Variants in DSTN observed in about 807,000 individuals in gnomAD.
The protein encoded by DSTN is destrin.
Under a neutral mutation model 16.8 loss-of-function variants are expected in DSTN, and 10 were observed. The ratio of observed to expected loss-of-function variants is 0.60; its 90% CI spans 0.37 to 1.01. The LOEUF (loss-of-function observed/expected upper bound fraction) is 1.01, where lower values mean the gene tolerates loss of function less well. Among genes scored for constraint, DSTN ranks in the 50% least tolerant of loss-of-function variants. The pLI, the probability that DSTN is intolerant of heterozygous loss-of-function variation, is 0.01. For synonymous variants in DSTN, 57 were observed against 58.9 expected (o/e 0.97, Z 0.14); for missense variants, 141 against 196.7 (o/e 0.72, Z 1.69).
intron 1 of DSTN, chr20:17,576,541 AG>A (rs1411489834): frequency 1.3e-5 from 2 of 152,862 alleles, no homozygotes; most frequent in African/African-American, 4.8e-5. Flanking sequence ...AATTGATTTC[AG>A]TAAAAAATGC....
intron 1 of DSTN, chr20:17,591,968 G>A (rs2035474096): frequency 2.0e-6 from 2 of 985,444 alleles, no homozygotes; most frequent in South Asian, 4.7e-5. Context: ...AGACGTAAGA[G>A]AGCTACCAGC....
At chr20:17,589,623 A>G (rs942575699) in intron 1 of DSTN, among the ~76,000 whole-genome samples, 4 of 152,266 alleles carry the variant, frequency 2.6e-5, no homozygotes, top group Non-Finnish European at 4.4e-5. Context: ...GTTCAGAAGC[A>G]TCAATTATAG....
chr20:17,575,375 C>CT (rs1229801931), intron 1 of DSTN, among the ~76,000 whole-genome samples: 4 of 151,960 alleles, frequency 2.6e-5, no homozygotes, highest in African/African-American at 9.7e-5. Context: ...ACTCTAGTCT[C>CT]TGAGTAACTA....
intron 1 of DSTN, among the ~76,000 whole-genome samples, chr20:17,570,786 G>A (rs2122150037): frequency 6.6e-6 from 1 of 152,346 alleles, no homozygotes; most frequent in Non-Finnish European, 1.5e-5. Flanking sequence ...TTAGAACGGG[G>A]TGGCCTTGCA....
chr20:17,597,912 A>G (rs1022842885), intron 1 of DSTN, among the ~76,000 whole-genome samples: 5 of 152,188 alleles, frequency 3.3e-5, no homozygotes, highest in African/African-American at 1.2e-4. Flanking sequence ...ATTTTACCCA[A>G]TTTGAACATT....
At chr20:17,581,382 G>A (rs2035342364) in intron 1 of DSTN, among the ~76,000 whole-genome samples, 1 of 152,154 alleles carries the variant, frequency 6.6e-6, no homozygotes, top group African/African-American at 2.4e-5. Context: ...TACTTAGGAA[G>A]CTGAAGCAGG....
intron 1 of DSTN, among the ~76,000 whole-genome samples, chr20:17,574,446 C>T (rs2035243902): frequency 6.6e-6 from 1 of 152,174 alleles, no homozygotes; most frequent in Non-Finnish European, 1.5e-5. Context: ...CTTCACTTTA[C>T]ACTTACCCCT....
At chr20:17,570,314 C>G (rs969247067) in intron 1 of DSTN, 103 bp downstream of exon 1, 3 of 1,340,354 alleles carry the variant, frequency 2.2e-6, no homozygotes, top group Admixed American at 7.7e-5. Context: ...TGCCTCAGCC[C>G]GGGGAGGGAC....
intron 1 of DSTN, among the ~76,000 whole-genome samples, chr20:17,588,546 C>A (rs573330850): frequency 3.1e-4 from 47 of 152,262 alleles, no homozygotes; most frequent in South Asian, 6.2e-4. Context: ...CTTTGGGAGG[C>A]CGAGGCGGGC....
chr20:17,574,447 A>G (rs2035243943), intron 1 of DSTN, among the ~76,000 whole-genome samples: 1 of 152,170 alleles, frequency 6.6e-6, no homozygotes, highest in African/African-American at 2.4e-5. Context: ...TTCACTTTAC[A>G]CTTACCCCTC....
chr20:17,600,125 CT>C (rs1449683370), intron 1 of DSTN, among the ~76,000 whole-genome samples: 1 of 152,126 alleles, frequency 6.6e-6, no homozygotes, highest in East Asian at 1.9e-4. Context: ...AAGCTACCCT[CT>C]TTATTATAGC....
intron 1 of DSTN, among the ~76,000 whole-genome samples, chr20:17,593,013 T>C (rs1462660341): frequency 6.6e-6 from 1 of 152,226 alleles, no homozygotes; most frequent in South Asian, 2.1e-4. Flanking sequence ...TTCCTCTTAC[T>C]CTTTTTAAAA....
intron 1 of DSTN, among the ~76,000 whole-genome samples, chr20:17,581,447 C>T (rs1184008876): frequency 2.6e-5 from 4 of 152,192 alleles, no homozygotes; most frequent in Non-Finnish European, 4.4e-5. Flanking sequence ...CACGCCATTG[C>T]CCTCCAGCCT....
intron 3 of DSTN, among the ~76,000 whole-genome samples, chr20:17,605,871 G>A (rs780896819): frequency 6.6e-6 from 1 of 151,686 alleles, no homozygotes; most frequent in Non-Finnish European, 1.5e-5. Context: ...GGGAGGCTAA[G>A]ACAGGTGGAT....
intron 1 of DSTN, 44 bp from the exon 2 acceptor site, chr20:17,600,694 A>G: frequency 1.3e-6 from 2 of 1,506,782 alleles, no homozygotes; most frequent in Non-Finnish European, 1.8e-6. Flanking sequence ...TGTTTGGCAC[A>G]ATAAAAATTG....
intron 1 of DSTN, among the ~76,000 whole-genome samples, chr20:17,577,088 G>A (rs1258978885): frequency 2.6e-5 from 4 of 152,190 alleles, no homozygotes; most frequent in African/African-American, 9.7e-5. Context: ...TTCAGGCTAT[G>A]GGTATAAAGT....
At chr20:17,585,588 A>G (rs1383025300) in intron 1 of DSTN, among the ~76,000 whole-genome samples, 2 of 152,170 alleles carry the variant, frequency 1.3e-5, no homozygotes, top group African/African-American at 4.8e-5. Flanking sequence ...ATAAAGTGAA[A>G]TTCACCCTTT....
rs1168577033 is a variant in DSTN, at chr20:17,586,768, G to A, written c.4-13970G>A. 2.6e-5 allele frequency among the ~76,000 whole-genome samples: 4 copies of A among 152,180 alleles called. No individual in the cohort carries two copies. In the East Asian group the frequency reaches 7.7e-4, roughly 29 times the overall value. ...TAACTAGATTTTCTGGTTAATGTAA[G>A]AGTCTTTGCTTAGTGCATGGAAGGC... On this transcript the variant is annotated intron_variant, in intron 1 of 3. Coordinates refer to ENST00000246069, the MANE Select transcript of DSTN (RefSeq NM_006870.4).
chr20:17,579,066 T>A (rs541300892), intron 1 of DSTN, among the ~76,000 whole-genome samples: 68 of 152,180 alleles, frequency 4.5e-4, no homozygotes, highest in Middle Eastern at 6.9e-3. Context: ...GAGATAGATA[T>A]TATTTGTGTT....
Sources: allele counts gnomAD v4.1 joint callset (sites outside exome capture counted in the v4.1 genomes callset), GRCh38; gene constraint gnomAD v4.1.1; transcripts MANE v1.5; gene names NCBI Gene and HGNC (gene_info 2026-07-23, HGNC 2026-07-21).